The following MAP3K13 variants were observed in gnomAD, a reference collection of about 807,000 sequenced individuals.
MAP3K13 encodes the protein mitogen-activated protein kinase kinase kinase 13.
A neutral mutation model predicts 104.0 loss-of-function variants in MAP3K13; 52 were observed. The ratio of observed to expected loss-of-function variants is 0.50; its 90% CI spans 0.40 to 0.63. MAP3K13 has a LOEUF of 0.63. Ranked by LOEUF, MAP3K13 falls within the 20% of genes least tolerant of loss-of-function variation. The probability of loss-of-function intolerance (pLI) is 0.00; values close to 1 mark genes in which losing one functional copy is unlikely to be tolerated. For synonymous variants in MAP3K13, 394 were observed against 442.2 expected, an observed-to-expected ratio of 0.89 and a Z score of 1.37; for missense variants, 914 against 1,218.5, an observed-to-expected ratio of 0.75 and a Z score of 3.72.
intron 2 of MAP3K13, among the ~76,000 whole-genome samples, chr3:185,317,978 G>A (rs1426078432): frequency 4.3e-4 from 64 of 149,882 alleles, no homozygotes; most frequent in Non-Finnish European, 8.1e-4. Context: ...AAAAAAAAAA[G>A]CGAAGGAAAA....
At position 185,441,933 on chromosome 3, in the gene MAP3K13, C is replaced by T. The variant is rs933054343; in HGVS notation, c.660-1512C>T. 1.1e-4 allele frequency among the ~76,000 whole-genome samples: 17 copies of T among 150,808 alleles called. No individual in the cohort carries two copies. The South Asian group carries it at 2.1e-3, about 19-fold the overall frequency. On this transcript the variant is annotated intron_variant, in intron 3 of 13. Transcript: ENST00000265026. ...GTGGGCACCTGTAGTCCCAGCTACCCGGGAGGCTGAGACAGGAGAATTGCT... is the reference window on the plus strand; with the variant it reads ...GTGGGCACCTGTAGTCCCAGCTACCTGGGAGGCTGAGACAGGAGAATTGCT...
chr3:185,453,824 GAGATAT>G (rs1234514185), intron 7 of MAP3K13, among the ~76,000 whole-genome samples: 412 of 25,078 alleles, frequency 0.016, 50 homozygotes, highest in African/African-American at 0.033. Context: ...ACATATATAT[GAGATAT>G]ATATATATGA....
chr3:185,474,194 C>T (rs563020447), intron 11 of MAP3K13, among the ~76,000 whole-genome samples: 2 of 152,160 alleles, frequency 1.3e-5, no homozygotes, highest in East Asian at 3.9e-4. Flanking sequence ...GGTGTGGTAG[C>T]ACACACCTGT....
chr3:185,465,769 C>A lies in MAP3K13; in HGVS notation c.1411C>A (p.His471Asn), dbSNP rs368196337. The part of the protein sequence containing the change: ...ELRHALDIRE[H>N]YERKLERANN... Reference sequence around the variant, plus strand: ...CAGGCATGCGCTGGATATTCGTGAACACTATGAGCGGAAGCTTGAGCGGGC... The same window carrying A: ...CAGGCATGCGCTGGATATTCGTGAAAACTATGAGCGGAAGCTTGAGCGGGC... The change falls in exon 9 of 14, where the codon CAC (histidine) becomes AAC (asparagine). Residue 471 changes from histidine (H) to asparagine (N), a missense_variant. Coordinates refer to ENST00000265026, the MANE Select transcript of MAP3K13 (RefSeq NM_004721.5). The A allele has an allele frequency of 6.2e-6, 10 of 1,613,824 alleles. No homozygotes were observed. In the East Asian group the frequency reaches 1.3e-4, roughly 22 times the overall value.
chr3:185,408,584 G>A (rs1486112298), intron 1 of MAP3K13, among the ~76,000 whole-genome samples: 4 of 147,660 alleles, frequency 2.7e-5, no homozygotes, highest in African/African-American at 7.5e-5. Flanking sequence ...AAAAAAAAAA[G>A]AAGCCGATTA....
intron 3 of MAP3K13, among the ~76,000 whole-genome samples, chr3:185,437,849 A>G (rs928430393): frequency 6.6e-6 from 1 of 152,156 alleles, no homozygotes; most frequent in Admixed American, 6.5e-5. Context: ...TGCAAAGTAC[A>G]TGGAAGTACA....
intron 2 of MAP3K13, among the ~76,000 whole-genome samples, chr3:185,306,957 G>A (rs1434709393): frequency 6.6e-6 from 1 of 152,172 alleles, no homozygotes; most frequent in Admixed American, 6.5e-5. Flanking sequence ...AGTTTTGCTG[G>A]CTACAGTATT....
intron 7 of MAP3K13, among the ~76,000 whole-genome samples, chr3:185,460,800 A>C (rs1196319826): frequency 6.6e-6 from 1 of 152,218 alleles, no homozygotes; most frequent in East Asian, 1.9e-4. Flanking sequence ...TACAGATTTC[A>C]ATCTTCAGAA....
chr3:185,387,866 G>A (rs567660195), intron 1 of MAP3K13, among the ~76,000 whole-genome samples: 3 of 152,130 alleles, frequency 2.0e-5, no homozygotes, highest in Non-Finnish European at 4.4e-5. Flanking sequence ...AAAAGAGGAA[G>A]TCAGATTTTT....
intron 3 of MAP3K13, among the ~76,000 whole-genome samples, chr3:185,440,764 G>A (rs1715280094): frequency 6.6e-6 from 1 of 152,192 alleles, no homozygotes; most frequent in South Asian, 2.1e-4. Context: ...ATCACTTACA[G>A]CAGCTGAAGA....
intron 4 of MAP3K13, among the ~76,000 whole-genome samples, chr3:185,443,874 A>G (rs531677439): frequency 1.3e-5 from 2 of 152,294 alleles, no homozygotes; most frequent in Non-Finnish European, 2.9e-5. Context: ...AAATCATACA[A>G]CTGTGAAACA....
In MAP3K13 at chr3:185,437,625, A is replaced by G. The variant is rs1312189466; in HGVS notation, c.654A>G (p.Ala218=). ...AGTTGAAGCACCCTAACATCATCGC[A>G]TTCAAGTAGGTCAAGGCTTTTTTTT... ...LRKLKHPNII[A]FKGVCTQAPC... Residue 218 remains alanine, a synonymous_variant, in exon 3 of 14, where the codon GCA becomes GCG. Transcript: ENST00000265026. 2.5e-6 allele frequency: 4 copies of G among 1,572,372 alleles called. No individual in the cohort carries two copies. Among genetic ancestry groups the G allele is most frequent in the Non-Finnish European group, 3.4e-6 (4 of 1,166,604 alleles).
At chr3:185,330,757 G>A (rs1722236337) in intron 2 of MAP3K13, among the ~76,000 whole-genome samples, 1 of 152,166 alleles carries the variant, frequency 6.6e-6, no homozygotes, top group Non-Finnish European at 1.5e-5. Context: ...TCCAGTAGGT[G>A]CCCATACCAT....
chr3:185,324,615 G>A (rs57799889), intron 2 of MAP3K13, among the ~76,000 whole-genome samples: 12,381 of 151,926 alleles, frequency 0.081, 646 homozygotes, highest in East Asian at 0.2. Flanking sequence ...TGCCCCTTCC[G>A]CCATGCTTTC....
At chr3:185,421,919 G>T (rs1332077199) in intron 1 of MAP3K13, among the ~76,000 whole-genome samples, 8 of 152,206 alleles carry the variant, frequency 5.3e-5, no homozygotes, top group African/African-American at 1.9e-4. Context: ...CCATGGTGAT[G>T]ATTTTTCTTT....
Position 185,484,410 on chromosome 3 carries a change from C to G in MAP3K13, c.*1954C>G, listed in dbSNP as rs1718626132. On this transcript the variant is annotated 3_prime_UTR_variant, in exon 14 of 14. Transcript: ENST00000265026. Reference sequence around the variant, plus strand: ...GACAGATTACCGTCAAACAACCTCTCTAGATTCACTGGACTCTTTGACACT... The same window carrying G: ...GACAGATTACCGTCAAACAACCTCTGTAGATTCACTGGACTCTTTGACACT... 1 of 152,224 alleles carries G rather than the reference C, an allele frequency of 6.6e-6. No homozygotes were observed. Among genetic ancestry groups the G allele is most frequent in the African/African-American group, 2.4e-5 (1 of 41,458 alleles). The allele number at this position is 152,224 out of a possible 1,614,324, so 9.4% of individuals were successfully genotyped here.
chr3:185,474,937 A>G (rs1010437738), intron 11 of MAP3K13, among the ~76,000 whole-genome samples: 3 of 152,002 alleles, frequency 2.0e-5, no homozygotes, highest in African/African-American at 7.3e-5. Context: ...TCTACCAAAA[A>G]TACAAAAATT....
chr3:185,301,457 C>T lies in MAP3K13; in HGVS notation c.-86+15814C>T, dbSNP rs74286257. The stretch of plus-strand genomic sequence containing the variant: ...TTTGCTGCATGTAAGTTTGTAAGTT[C>T]GCTGTAGTCCCATTTGTCTAATTTT... On this transcript the variant is annotated intron_variant, in intron 2 of 14. Transcript: ENST00000424227. Among the ~76,000 whole-genome samples the T allele has an allele frequency of 4.6e-5, 7 of 152,194 alleles. No homozygotes were observed. The East Asian group carries it at 9.6e-4, about 21-fold the overall frequency.
intron 1 of MAP3K13, among the ~76,000 whole-genome samples, chr3:185,414,443 T>C (rs560824599): frequency 6.6e-5 from 10 of 152,342 alleles, no homozygotes; most frequent in Admixed American, 2.0e-4. Context: ...TACAAACTTA[T>C]GAGACTTAGT....
Sources: gnomAD v4.1 joint callset for allele counts (sites outside exome capture counted in the v4.1 genomes callset) on GRCh38, gnomAD v4.1.1 for gene constraint, MANE v1.5 for transcripts, NCBI Gene and HGNC (gene_info 2026-07-23, HGNC 2026-07-21) for gene names.